SETD3: variants seen among roughly 807,000 people sequenced by gnomAD.
SETD3 encodes SET domain containing 3, actin N3(tau)-histidine methyltransferase.
Under a neutral mutation model 63.0 loss-of-function variants are expected in SETD3, and 19 were observed. The ratio of observed to expected loss-of-function variants is 0.30; its 90% CI spans 0.21 to 0.44. The LOEUF is 0.44. SETD3 is among the 20% of genes least tolerant of loss of function. SETD3 has a pLI of 1.00. For missense variants in SETD3, 587 were observed against 728.5 expected, an observed-to-expected ratio of 0.81 and a Z score of 2.24; for synonymous variants, 286 against 264.1, an observed-to-expected ratio of 1.08 and a Z score of -0.80.
chr14:99,447,334 T>C (rs12898128), intron 6 of SETD3, among the ~76,000 whole-genome samples: 63,794 of 152,042 alleles, frequency 0.42, 13,877 homozygotes, highest in East Asian at 0.56. Context: ...ATAGAAAAAA[T>C]GAAGAACACT....
At chr14:99,408,882 ACT>A (rs1336547104) in intron 8 of SETD3, among the ~76,000 whole-genome samples, 1 of 151,194 alleles carries the variant, frequency 6.6e-6, no homozygotes, top group Non-Finnish European at 1.5e-5. Context: ...TTTCTAGAGG[ACT>A]CTCTCAGAGC....
intron 11 of SETD3, among the ~76,000 whole-genome samples, chr14:99,401,387 A>C (rs1371765368): frequency 1.3e-5 from 2 of 152,242 alleles, no homozygotes; most frequent in Non-Finnish European, 2.9e-5. Context: ...TGTGATTAGG[A>C]GACAGTGTCT....
intron 2 of SETD3, among the ~76,000 whole-genome samples, chr14:99,464,956 A>G (rs1895283313): frequency 6.6e-6 from 1 of 152,264 alleles, no homozygotes; most frequent in African/African-American, 2.4e-5. Context: ...CAGCCTGGGC[A>G]ACATGGCAAA....
intron 1 of SETD3, among the ~76,000 whole-genome samples, chr14:99,468,642 TC>T (rs11406423): frequency 6.6e-6 from 1 of 151,806 alleles, no homozygotes. Flanking sequence ...TATCTCTGCC[TC>T]CCCGTTCACC....
At chr14:99,444,529 C>G (rs540221988) in intron 6 of SETD3, 1 of 152,258 alleles carries the variant, frequency 6.6e-6, no homozygotes, top group African/African-American at 2.4e-5. Flanking sequence ...GATGGATATG[C>G]TAATTATCCA....
intron 9 of SETD3, among the ~76,000 whole-genome samples, chr14:99,405,641 C>T (rs757214656): frequency 3.5e-4 from 53 of 152,138 alleles, no homozygotes; most frequent in Admixed American, 5.9e-4. Context: ...CTTACTAGTA[C>T]TCAAAGGACC....
intron 1 of SETD3, among the ~76,000 whole-genome samples, chr14:99,477,779 C>A (rs1275158213): frequency 6.8e-6 from 1 of 147,466 alleles, no homozygotes; most frequent in Non-Finnish European, 1.5e-5. Context: ...GTCTCAACTT[C>A]TTTGTAATAG....
intron 11 of SETD3, 43 bp downstream of exon 11, chr14:99,404,182 A>T (rs1044423916): frequency 6.5e-7 from 1 of 1,532,248 alleles, no homozygotes; most frequent in African/African-American, 1.4e-5. Context: ...TCATGATTTA[A>T]AAAGAAAAAA....
At chr14:99,412,451 G>C (rs971899481) in intron 8 of SETD3, 1 of 153,182 alleles carries the variant, frequency 6.5e-6, no homozygotes, top group African/African-American at 2.4e-5. Flanking sequence ...CATAAACATG[G>C]CCAGGGATTC....
At chr14:99,475,347 T>C (rs377462871) in intron 1 of SETD3, among the ~76,000 whole-genome samples, 59 of 152,346 alleles carry the variant, frequency 3.9e-4, no homozygotes, top group African/African-American at 1.3e-3. Flanking sequence ...GAGAAGGATA[T>C]AAGACAGGCA....
chr14:99,401,549 A>G (rs1160916302), intron 11 of SETD3, among the ~76,000 whole-genome samples: 1 of 152,266 alleles, frequency 6.6e-6, no homozygotes, highest in Non-Finnish European at 1.5e-5. Flanking sequence ...ATGACTAGAG[A>G]GGAACTAAAG....
At chr14:99,472,405 T>C (rs1566736590) in intron 1 of SETD3, among the ~76,000 whole-genome samples, 1 of 152,234 alleles carries the variant, frequency 6.6e-6, no homozygotes, top group Admixed American at 6.5e-5. Flanking sequence ...CCCAACCTTA[T>C]GGATTTAAAT....
chr14:99,469,116 C>G (rs1465018342), intron 1 of SETD3, among the ~76,000 whole-genome samples: 4 of 152,212 alleles, frequency 2.6e-5, no homozygotes, highest in African/African-American at 9.7e-5. Context: ...GACAGTAATT[C>G]TACAGTCGAG....
intron 2 of SETD3, among the ~76,000 whole-genome samples, chr14:99,464,060 C>T (rs771907709): frequency 7.2e-5 from 11 of 152,162 alleles, no homozygotes; most frequent in Non-Finnish European, 1.5e-4. Context: ...GACATAAGGA[C>T]AATTAGTCGA....
At chr14:99,417,556 T>C (rs908869629) in intron 6 of SETD3, among the ~76,000 whole-genome samples, 1 of 152,250 alleles carries the variant, frequency 6.6e-6, no homozygotes. Flanking sequence ...GATACAGACA[T>C]GCACTTAAAC....
chr14:99,481,296 T>C, upstream of SETD3: 1 of 393,878 alleles, frequency 2.5e-6, no homozygotes. Context: ...CGGCGGCTCG[T>C]TCCTCTTTTG....
At chr14:99,412,461 C>T (rs1260247959) in intron 8 of SETD3, 2 of 153,076 alleles carry the variant, frequency 1.3e-5, no homozygotes, top group Admixed American at 6.5e-5. Context: ...GCCAGGGATT[C>T]GTCAGCCCAT....
At chr14:99,403,458 C>CTCTG (rs1891504437) in intron 11 of SETD3, among the ~76,000 whole-genome samples, 1 of 49,718 alleles carries the variant, frequency 2.0e-5, no homozygotes, top group Non-Finnish European at 4.1e-5. Flanking sequence ...CACACACACT[C>CTCTG]TCTCTCTCTC....
chr14:99,415,602 GA>G (rs1247088302), intron 6 of SETD3, among the ~76,000 whole-genome samples: 18 of 146,104 alleles, frequency 1.2e-4, no homozygotes, highest in South Asian at 6.5e-4. Context: ...ATCATTTAGG[GA>G]AAAAAAAAAC....
Sources: allele counts gnomAD v4.1 joint callset (sites outside exome capture counted in the v4.1 genomes callset), GRCh38; gene constraint gnomAD v4.1.1; transcripts MANE v1.5; gene names NCBI Gene and HGNC (gene_info 2026-07-23, HGNC 2026-07-21).